Variants in STARD13 observed in about 807,000 individuals in gnomAD.
STARD13 encodes the protein stAR-related lipid transfer protein 13.
A neutral mutation model predicts 106.4 loss-of-function variants in STARD13; 62 were observed. The observed-to-expected ratio is 0.58, with a 90% CI of 0.48 to 0.72. STARD13 has a LOEUF of 0.72. Ranked by LOEUF, STARD13 falls within the 30% of genes least tolerant of loss-of-function variation. The probability of loss-of-function intolerance (pLI) is 0.00; values close to 1 mark genes in which losing one functional copy is unlikely to be tolerated. For missense variants in STARD13, 1,387 were observed against 1,424.0 expected, an observed-to-expected ratio of 0.97 and a Z score of 0.42; for synonymous variants, 565 against 553.0, an observed-to-expected ratio of 1.02 and a Z score of -0.31.
the STARD13 span, among the ~76,000 whole-genome samples, chr13:33,556,974 GAA>G: frequency 9.2e-5 from 14 of 152,104 alleles, no homozygotes; most frequent in Non-Finnish European, 1.6e-4. Context: ...CTTTTTACCT[GAA>G]GCAGCCATTT....
At chr13:33,292,564 G>T (rs369790275) in intron 1 of STARD13, among the ~76,000 whole-genome samples, 1 of 150,800 alleles carries the variant, frequency 6.6e-6, no homozygotes, top group African/African-American at 2.4e-5. Context: ...GTGTGCCACT[G>T]CATTCTAGCC....
At chr13:33,570,128 A>T in the STARD13 span, among the ~76,000 whole-genome samples, 1 of 148,022 alleles carries the variant, frequency 6.8e-6, no homozygotes, top group Admixed American at 6.9e-5. Context: ...TTCTAAGTAC[A>T]TCCAGTTTAA....
chr13:33,188,263 T>C (rs999014810), intron 1 of STARD13: 3 of 152,108 alleles, frequency 2.0e-5, no homozygotes, highest in African/African-American at 7.2e-5. Flanking sequence ...TCAATGTGAG[T>C]AGGAAACAAA....
At chr13:33,285,402 T>C (rs1362804033) in intron 1 of STARD13, 68 bp downstream of exon 1, 8 of 1,489,626 alleles carry the variant, frequency 5.4e-6, no homozygotes, top group Non-Finnish European at 4.5e-6. Context: ...CAAAAAAAAC[T>C]GGGTTAGCAT....
the STARD13 span, among the ~76,000 whole-genome samples, chr13:33,499,604 T>TTCCTCC: frequency 7.5e-5 from 3 of 39,900 alleles, no homozygotes; most frequent in Non-Finnish European, 9.9e-5. Context: ...CTTCTTCTTC[T>TTCCTCC]TTCTTCTTCT....
chr13:33,393,609 A>C, the STARD13 span, among the ~76,000 whole-genome samples: 1 of 152,202 alleles, frequency 6.6e-6, no homozygotes, highest in African/African-American at 2.4e-5. Context: ...AATACTAATA[A>C]AATGATAATA....
At chr13:33,606,820 C>T in the STARD13 span, among the ~76,000 whole-genome samples, 3 of 152,186 alleles carry the variant, frequency 2.0e-5, no homozygotes, top group Admixed American at 1.3e-4. Context: ...CTGGAGGCTC[C>T]GGGGAGAATT....
At chr13:33,606,442 A>G in the STARD13 span, among the ~76,000 whole-genome samples, 2 of 152,220 alleles carry the variant, frequency 1.3e-5, no homozygotes, top group South Asian at 2.1e-4. Flanking sequence ...TATTTTCACT[A>G]TCGCATTAAT....
At chr13:33,108,534 T>C (rs1486084800) in intron 12 of STARD13, among the ~76,000 whole-genome samples, 1 of 152,204 alleles carries the variant, frequency 6.6e-6, no homozygotes, top group Non-Finnish European at 1.5e-5. Flanking sequence ...CCCTTTCTTA[T>C]TTTTTATGGA....
chr13:33,286,815 T>G (rs1892079519), upstream of STARD13, among the ~76,000 whole-genome samples: 1 of 152,076 alleles, frequency 6.6e-6, no homozygotes, highest in Non-Finnish European at 1.5e-5. Flanking sequence ...TTAAGCAAAC[T>G]GCTAGTAATT....
chr13:33,124,015 G>C (rs1370900900), intron 7 of STARD13, among the ~76,000 whole-genome samples: 1 of 152,228 alleles, frequency 6.6e-6, no homozygotes, highest in African/African-American at 2.4e-5. Context: ...TTCCACAGAA[G>C]TGCTGTTGGC....
chr13:33,295,332 T>A (rs1293581354), intron 1 of STARD13, among the ~76,000 whole-genome samples: 1 of 152,186 alleles, frequency 6.6e-6, no homozygotes, highest in Admixed American at 6.5e-5. Flanking sequence ...AGGTGTCATG[T>A]AGCTCTGAAG....
the STARD13 span, among the ~76,000 whole-genome samples, chr13:33,475,687 G>A: frequency 6.6e-6 from 1 of 152,178 alleles, no homozygotes; most frequent in South Asian, 2.1e-4. Context: ...GGCCAGGTGT[G>A]GTGGTCACGC....
At chr13:33,500,505 T>C in the STARD13 span, among the ~76,000 whole-genome samples, 2 of 152,218 alleles carry the variant, frequency 1.3e-5, no homozygotes, top group African/African-American at 4.8e-5. Context: ...ACTATGTTCT[T>C]TTTTAATAAT....
the STARD13 span, among the ~76,000 whole-genome samples, chr13:33,662,708 C>T: frequency 2.0e-5 from 3 of 152,076 alleles, no homozygotes; most frequent in Non-Finnish European, 4.4e-5. Context: ...TGCACTATAC[C>T]CCCTCTCTAT....
chr13:33,506,662 T>C, the STARD13 span, among the ~76,000 whole-genome samples: 202 of 152,292 alleles, frequency 1.3e-3, no homozygotes, highest in African/African-American at 3.9e-3. Context: ...AGGTAAAAGA[T>C]ACATTCGAAG....
At chr13:33,132,498 A>T (rs980492305) in intron 4 of STARD13, among the ~76,000 whole-genome samples, 1 of 152,238 alleles carries the variant, frequency 6.6e-6, no homozygotes, top group African/African-American at 2.4e-5. Context: ...TGAAACTGTG[A>T]GTCCATTAAA....
intron 1 of STARD13, among the ~76,000 whole-genome samples, chr13:33,343,577 T>TA (rs1292508834): frequency 0.012 from 429 of 37,110 alleles, 34 homozygotes; most frequent in Admixed American, 0.042. Context: ...GACCCTGTCT[T>TA]AAAAAAAAAA....
At chr13:33,672,382 G>A in the STARD13 span, among the ~76,000 whole-genome samples, 2 of 152,150 alleles carry the variant, frequency 1.3e-5, no homozygotes, top group South Asian at 4.1e-4. Context: ...GGGACAAGGG[G>A]AGGGAGAGCA....
Sources: gnomAD v4.1 joint callset for allele counts (sites outside exome capture counted in the v4.1 genomes callset) on GRCh38, gnomAD v4.1.1 for gene constraint, MANE v1.5 for transcripts, NCBI Gene and HGNC (gene_info 2026-07-23, HGNC 2026-07-21) for gene names.